PSMF1: variants seen among roughly 807,000 people sequenced by gnomAD.
PSMF1 encodes proteasome inhibitor PI31 subunit.
A neutral mutation model predicts 29.3 loss-of-function variants in PSMF1; 30 were observed. The ratio of observed to expected loss-of-function variants is 1.02; its 90% CI spans 0.77 to 1.39. The LOEUF (loss-of-function observed/expected upper bound fraction) is 1.39, where lower values mean the gene tolerates loss of function less well. PSMF1 is among the 40% of genes most tolerant of loss of function. PSMF1 has a pLI of 0.00. For missense variants in PSMF1, 344 were observed against 357.5 expected, an observed-to-expected ratio of 0.96 and a Z score of 0.31; for synonymous variants, 134 against 139.7, an observed-to-expected ratio of 0.96 and a Z score of 0.29.
At position 1,134,872 on chromosome 20, in the gene PSMF1, A is replaced by T. The variant is rs763743411; in HGVS notation, c.366-249A>T. 4 of 573,798 alleles carry T rather than the reference A, an allele frequency of 7.0e-6. No individual in the cohort carries two copies. The Admixed American group carries it at 1.0e-4, about 15-fold the overall frequency. The allele number at this position is 573,798 out of a possible 1,614,324, so 35.5% of individuals were successfully genotyped here. A position where few individuals can be genotyped will look rare whatever the true frequency, so the allele number is the denominator to read the frequency against. On this transcript the variant is annotated intron_variant, in intron 3 of 6. Coordinates refer to ENST00000335877, the MANE Select transcript of PSMF1 (RefSeq NM_006814.5). ...GCCCCTACACCCTCACCTCTTTCTAATGGGGTGGTAAACAAGGAGGGGCAA... is the reference window on the plus strand; with the variant it reads ...GCCCCTACACCCTCACCTCTTTCTATTGGGGTGGTAAACAAGGAGGGGCAA...
chr20:1,155,126 T>G (rs1046784158), intron 4 of PSMF1, among the ~76,000 whole-genome samples: 3 of 152,188 alleles, frequency 2.0e-5, no homozygotes, highest in Non-Finnish European at 4.4e-5. Flanking sequence ...TCACCGTTGT[T>G]CCCCTCTGAT....
intron 4 of PSMF1, among the ~76,000 whole-genome samples, chr20:1,139,959 T>G (rs1028059566): frequency 4.6e-5 from 7 of 152,096 alleles, no homozygotes; most frequent in Non-Finnish European, 1.0e-4. Flanking sequence ...AAATTAAAGA[T>G]TTAAGTAAAG....
In PSMF1 at chr20:1,166,254, A is replaced by G; in HGVS notation, c.*1174A>G. The G allele has an allele frequency of 6.2e-7, 1 of 1,612,410 alleles. No homozygotes were observed. On this transcript the variant is annotated 3_prime_UTR_variant, in exon 7 of 7. Transcript: ENST00000335877. ...CGAGGCCTGACAGACGCGGGCAGTG[A>G]TGAGCCCTGTTCTGGAGTGGAAAGA...
intron 3 of PSMF1, among the ~76,000 whole-genome samples, chr20:1,133,569 A>ATATATATATATATTTT: frequency 1.1e-3 from 61 of 53,272 alleles, no homozygotes; most frequent in Non-Finnish European, 1.2e-3. Context: ...ATATATATAT[A>ATATATATATATATTTT]TTTTTTTTTT....
At chr20:1,142,753 C>T (rs1437683561) in intron 4 of PSMF1, among the ~76,000 whole-genome samples, 1 of 152,176 alleles carries the variant, frequency 6.6e-6, no homozygotes, top group Non-Finnish European at 1.5e-5. Flanking sequence ...GTCTTTATAG[C>T]AGCATGTTTT....
intron 4 of PSMF1, among the ~76,000 whole-genome samples, chr20:1,153,939 A>T (rs576947669): frequency 6.6e-5 from 10 of 152,362 alleles, no homozygotes; most frequent in African/African-American, 2.4e-4. Context: ...AAACATGTGC[A>T]TGAAAGTTAT....
chr20:1,118,965 G>A, intron 1 of PSMF1, 63 bp downstream of exon 1: 1 of 1,583,570 alleles, frequency 6.3e-7, no homozygotes, highest in African/African-American at 1.3e-5. Context: ...TCAGAGTACC[G>A]GAGGCCTGGT....
At chr20:1,127,637 A>G in intron 3 of PSMF1, 129 bp downstream of exon 3, 1 of 745,452 alleles carries the variant, frequency 1.3e-6, no homozygotes, top group South Asian at 1.7e-5. Context: ...TCTGGGCACA[A>G]CTTCCTAATT....
chr20:1,157,397 A>G (rs563818700), intron 4 of PSMF1, among the ~76,000 whole-genome samples: 9 of 152,306 alleles, frequency 5.9e-5, no homozygotes, highest in East Asian at 1.9e-4. Context: ...ATAATCTTCA[A>G]ATAAAGCCAA....
At chr20:1,126,059 C>T in intron 2 of PSMF1, 1 of 421,130 alleles carries the variant, frequency 2.4e-6, no homozygotes, top group Admixed American at 2.8e-5. Context: ...TCACACAGCC[C>T]TTCACCATTC....
intron 4 of PSMF1, among the ~76,000 whole-genome samples, chr20:1,146,661 G>A (rs2122552189): frequency 6.6e-6 from 1 of 152,250 alleles, no homozygotes; most frequent in Middle Eastern, 3.4e-3. Context: ...CCCACGTCAA[G>A]GAGAGTATTT....
intron 3 of PSMF1, among the ~76,000 whole-genome samples, chr20:1,133,410 A>G (rs563649521): frequency 5.4e-4 from 81 of 150,986 alleles, no homozygotes; most frequent in African/African-American, 1.9e-3. Flanking sequence ...ATTTGTGACT[A>G]TTAACCAGTC....
intron 1 of PSMF1, among the ~76,000 whole-genome samples, chr20:1,113,562 T>C (rs1358256118): frequency 6.6e-6 from 1 of 151,276 alleles, no homozygotes; most frequent in Admixed American, 6.6e-5. Flanking sequence ...AGGTGGAACA[T>C]AGTCCTGGCC....
rs764833991 is a variant in PSMF1, at chr20:1,118,734, G to T, written c.-40G>T. The T allele has an allele frequency of 1.8e-5, 29 of 1,597,130 alleles. No homozygotes were observed. Among genetic ancestry groups the T allele is most frequent in the Non-Finnish European group, 2.5e-5 (29 of 1,170,684 alleles). On this transcript the variant is annotated 5_prime_UTR_variant, in exon 1 of 7. Transcript: ENST00000335877. ...GGAGCCGGCTCACTGCACTACCCCC[G>T]CCCCCTTCTTTCCTCCAGACGCCGA...
chr20:1,162,713 T>C (rs1183498402), intron 4 of PSMF1, among the ~76,000 whole-genome samples: 1 of 152,188 alleles, frequency 6.6e-6, no homozygotes, highest in Non-Finnish European at 1.5e-5. Context: ...TCTAGCTGTA[T>C]GTGACTCCAT....
chr20:1,170,883 TCTC>T lies in PSMF1; in HGVS notation c.*5807_*5809del, dbSNP rs1171376186. ...TCAGGTGCACACAGCGTGCTAGGCT[TCTC>T]CTCATCGCATGTAGTACCCCTGACA... On this transcript the variant is annotated 3_prime_UTR_variant, in exon 7 of 7. Transcript: ENST00000335877. Among the ~76,000 whole-genome samples the T allele has an allele frequency of 6.6e-6, 1 of 151,794 alleles. No homozygotes were observed. Among genetic ancestry groups the T allele is most frequent in the Non-Finnish European group, 1.5e-5 (1 of 67,960 alleles).
rs536881090 is a variant in PSMF1, at chr20:1,120,078, C to T, written c.129+1176C>T. The stretch of plus-strand genomic sequence containing the variant: ...TAGACAAGTATCCCCTTTCCCCCAC[C>T]CCTCACTGCTGTCCCTATTCCTCTC... On this transcript the variant is annotated intron_variant, in intron 1 of 6. Transcript: ENST00000335877. Among the ~76,000 whole-genome samples, 10 of 152,212 alleles carry T rather than the reference C, an allele frequency of 6.6e-5. No homozygotes were observed. The South Asian group carries it at 2.1e-3, about 32-fold the overall frequency.
upstream of PSMF1, among the ~76,000 whole-genome samples, chr20:1,116,807 A>G (rs375687218): frequency 2.6e-5 from 4 of 151,938 alleles, no homozygotes; most frequent in East Asian, 5.8e-4. Context: ...GGGATTAAAG[A>G]CGGGAGAAGG....
chr20:1,154,826 G>T (rs1396458618), intron 4 of PSMF1, among the ~76,000 whole-genome samples: 1 of 152,222 alleles, frequency 6.6e-6, no homozygotes. Context: ...GATACTAGTT[G>T]TGCCACGAAA....
Sources: allele counts gnomAD v4.1 joint callset (sites outside exome capture counted in the v4.1 genomes callset), GRCh38; gene constraint gnomAD v4.1.1; transcripts MANE v1.5; gene names NCBI Gene and HGNC (gene_info 2026-07-23, HGNC 2026-07-21).